CAMK1D: variants seen among roughly 807,000 people sequenced by gnomAD.
The protein encoded by CAMK1D is calcium/calmodulin-dependent protein kinase type 1D.
A neutral mutation model predicts 47.7 loss-of-function variants in CAMK1D; 9 were observed. The ratio of observed to expected loss-of-function variants is 0.19; its 90% confidence interval spans 0.11 to 0.33. The LOEUF (loss-of-function observed/expected upper bound fraction) is 0.33, where lower values mean the gene tolerates loss of function less well. Among genes scored for constraint, CAMK1D ranks in the 10% least tolerant of loss-of-function variants. CAMK1D has a pLI of 1.00. For missense variants in CAMK1D, 291 were observed against 488.7 expected, an observed-to-expected ratio of 0.60 and a Z score of 3.81; for synonymous variants, 184 against 184.9, an observed-to-expected ratio of 0.99 and a Z score of 0.04.
chr10:12,827,435 C>A, intron 10 of CAMK1D, among the ~76,000 whole-genome samples: 1 of 133,722 alleles, frequency 7.5e-6, no homozygotes, highest in African/African-American at 2.8e-5. Context: ...TTCCTTCCTT[C>A]CTTCTTTCTT....
intron 2 of CAMK1D, among the ~76,000 whole-genome samples, chr10:12,606,468 T>C (rs1838464978): frequency 6.6e-6 from 1 of 152,212 alleles, no homozygotes; most frequent in Non-Finnish European, 1.5e-5. Flanking sequence ...CTGATAGTTG[T>C]AGGAACCACG....
intron 1 of CAMK1D, among the ~76,000 whole-genome samples, chr10:12,532,436 C>T (rs1384632290): frequency 1.2e-4 from 19 of 152,220 alleles, no homozygotes; most frequent in Middle Eastern, 3.4e-3. Context: ...CCCGCCACTA[C>T]GCCTGGCTAA....
intron 1 of CAMK1D, among the ~76,000 whole-genome samples, chr10:12,469,126 C>T (rs1047906556): frequency 6.6e-6 from 1 of 151,980 alleles, no homozygotes; most frequent in Admixed American, 6.6e-5. Flanking sequence ...AGGAGGGGGG[C>T]GGTGCTGTGT....
chr10:12,518,506 T>A (rs147893507), intron 1 of CAMK1D, among the ~76,000 whole-genome samples: 7,782 of 100,212 alleles, frequency 0.078, 2,170 homozygotes, highest in Admixed American at 0.18. Context: ...TTTTTTTTTT[T>A]ATTGATCATT....
At chr10:12,756,541 G>GATA (rs1225129137) in intron 3 of CAMK1D, among the ~76,000 whole-genome samples, 1 of 152,202 alleles carries the variant, frequency 6.6e-6, no homozygotes, top group Non-Finnish European at 1.5e-5. Context: ...ATTTTACTGA[G>GATA]ATTATTATGT....
intron 1 of CAMK1D, among the ~76,000 whole-genome samples, chr10:12,351,264 A>G (rs771623884): frequency 6.6e-6 from 1 of 152,110 alleles, no homozygotes; most frequent in South Asian, 2.1e-4. Flanking sequence ...CCTATTTGCT[A>G]TCTTTGTTGG....
chr10:12,379,731 C>T (rs1180246729), intron 1 of CAMK1D, among the ~76,000 whole-genome samples: 2 of 151,892 alleles, frequency 1.3e-5, no homozygotes, highest in South Asian at 2.1e-4. Flanking sequence ...GCAGTCTGGG[C>T]GGCAAAGCGA....
At chr10:12,397,289 C>T (rs1396527624) in intron 1 of CAMK1D, among the ~76,000 whole-genome samples, 2 of 152,088 alleles carry the variant, frequency 1.3e-5, no homozygotes, top group Non-Finnish European at 2.9e-5. Context: ...CTTTCAAGCG[C>T]CCTAGGATGG....
At chr10:12,686,336 T>C (rs2130641646) in intron 3 of CAMK1D, among the ~76,000 whole-genome samples, 1 of 152,298 alleles carries the variant, frequency 6.6e-6, no homozygotes, top group East Asian at 1.9e-4. Flanking sequence ...TTTATTTTTT[T>C]TGGAGATGGA....
chr10:12,655,028 C>G (rs1840080778), intron 2 of CAMK1D, among the ~76,000 whole-genome samples: 1 of 152,180 alleles, frequency 6.6e-6, no homozygotes. Flanking sequence ...TAGCACGTAT[C>G]TGAGCTTGAG....
At chr10:12,613,067 T>C (rs1029084771) in intron 2 of CAMK1D, among the ~76,000 whole-genome samples, 1 of 152,164 alleles carries the variant, frequency 6.6e-6, no homozygotes, top group African/African-American at 2.4e-5. Context: ...AAGCCAAAGA[T>C]TGAACCTTCA....
chr10:12,567,842 GA>G (rs1837172056), intron 2 of CAMK1D, among the ~76,000 whole-genome samples: 1 of 152,098 alleles, frequency 6.6e-6, no homozygotes, highest in African/African-American at 2.4e-5. Context: ...AAATTTCAGA[GA>G]GTGCCTCGAA....
At chr10:12,398,131 C>T (rs1276979449) in intron 1 of CAMK1D, among the ~76,000 whole-genome samples, 1 of 152,012 alleles carries the variant, frequency 6.6e-6, no homozygotes, top group East Asian at 1.9e-4. Context: ...AGCTAAATAC[C>T]ACAGAGATTT....
At chr10:12,357,795 A>C (rs1195345730) in intron 1 of CAMK1D, among the ~76,000 whole-genome samples, 1 of 152,048 alleles carries the variant, frequency 6.6e-6, no homozygotes, top group African/African-American at 2.4e-5. Flanking sequence ...CACGTTGGCT[A>C]TGCCCCTTTG....
chr10:12,604,307 A>C (rs1838388487), intron 2 of CAMK1D, among the ~76,000 whole-genome samples: 1 of 152,208 alleles, frequency 6.6e-6, no homozygotes, highest in Non-Finnish European at 1.5e-5. Flanking sequence ...TCAGGTACAA[A>C]TTCCAAGGAT....
intron 1 of CAMK1D, among the ~76,000 whole-genome samples, chr10:12,374,249 A>T (rs1289472705): frequency 8.7e-6 from 1 of 115,552 alleles, no homozygotes; most frequent in East Asian, 2.3e-4. Context: ...ACAGAGCGAG[A>T]CTCTGTCTCA....
intron 1 of CAMK1D, among the ~76,000 whole-genome samples, chr10:12,449,235 C>T (rs1217145797): frequency 1.3e-5 from 2 of 152,084 alleles, no homozygotes; most frequent in Non-Finnish European, 2.9e-5. Flanking sequence ...GGCTTGTCTG[C>T]CATCCTCATT....
chr10:12,827,066 C>CTCCTGTG (rs1833237020), intron 10 of CAMK1D, among the ~76,000 whole-genome samples: 2 of 152,226 alleles, frequency 1.3e-5, no homozygotes, highest in Admixed American at 1.3e-4. Flanking sequence ...AGGCCAGGGA[C>CTCCTGTG]TGCTGAGCTC....
chr10:12,596,936 C>G (rs1256968488), intron 2 of CAMK1D, among the ~76,000 whole-genome samples: 1 of 151,832 alleles, frequency 6.6e-6, no homozygotes, highest in Non-Finnish European at 1.5e-5. Context: ...AAGCAAAGTT[C>G]CTGTCTTTGC....
Sources: gnomAD v4.1 joint callset for allele counts (sites outside exome capture counted in the v4.1 genomes callset) on GRCh38, gnomAD v4.1.1 for gene constraint, MANE v1.5 for transcripts, NCBI Gene and HGNC (gene_info 2026-07-23, HGNC 2026-07-21) for gene names.